The following CPEB3 variants were observed in gnomAD, a reference collection of about 807,000 sequenced individuals.
CPEB3 encodes the protein cytoplasmic polyadenylation element binding protein 3.
Under a neutral mutation model 67.2 loss-of-function variants are expected in CPEB3, and 20 were observed. The ratio of observed to expected loss-of-function variants is 0.30; its 90% CI spans 0.21 to 0.43. CPEB3 has a LOEUF of 0.43. Among genes scored for constraint, CPEB3 ranks in the 20% least tolerant of loss-of-function variants. CPEB3 has a pLI of 1.00. For synonymous variants in CPEB3, 376 were observed against 393.1 expected, an observed-to-expected ratio of 0.96 and a Z score of 0.51; for missense variants, 746 against 968.6, an observed-to-expected ratio of 0.77 and a Z score of 3.05.
At chr10:92,270,503 A>C (rs1394311973) in intron 1 of CPEB3, among the ~76,000 whole-genome samples, 1 of 151,996 alleles carries the variant, frequency 6.6e-6, no homozygotes, top group African/African-American at 2.4e-5. Context: ...AGAGAAAAAG[A>C]AGCTAGTAGG....
chr10:92,258,686 T>C (rs1017565938), intron 1 of CPEB3, among the ~76,000 whole-genome samples: 10 of 133,634 alleles, frequency 7.5e-5, no homozygotes, highest in Admixed American at 7.8e-5. Flanking sequence ...ATATTTCATG[T>C]ATTTGTGTTC....
At chr10:92,263,314 G>A (rs145897576) in intron 1 of CPEB3, among the ~76,000 whole-genome samples, 2 of 152,304 alleles carry the variant, frequency 1.3e-5, no homozygotes, top group East Asian at 3.9e-4. Context: ...GGCCTCAAGT[G>A]ATCCGCCCAA....
intron 1 of CPEB3, among the ~76,000 whole-genome samples, chr10:92,284,181 G>T (rs1461726401): frequency 6.6e-6 from 1 of 151,762 alleles, no homozygotes; most frequent in African/African-American, 2.4e-5. Context: ...TGGGACTACA[G>T]GCACACACCA....
chr10:92,221,447 C>G (rs1185355233), intron 2 of CPEB3, among the ~76,000 whole-genome samples: 1 of 152,170 alleles, frequency 6.6e-6, no homozygotes, highest in Admixed American at 6.5e-5. Context: ...GAGACGAGAT[C>G]ACGCCAGTGC....
intron 1 of CPEB3, among the ~76,000 whole-genome samples, chr10:92,241,159 TTTC>T (rs1851833254): frequency 6.6e-6 from 1 of 152,194 alleles, no homozygotes; most frequent in Non-Finnish European, 1.5e-5. Flanking sequence ...ATTCCCCAAT[TTTC>T]TTGTCTCCAA....
chr10:92,216,657 C>G, intron 2 of CPEB3: 1 of 1,606,866 alleles, frequency 6.2e-7, no homozygotes, highest in African/African-American at 1.3e-5. Context: ...GTCTATATCC[C>G]CTCTAAGACG....
intron 2 of CPEB3, among the ~76,000 whole-genome samples, chr10:92,229,291 C>A (rs760465278): frequency 5.9e-5 from 9 of 152,124 alleles, no homozygotes; most frequent in Non-Finnish European, 1.3e-4. Context: ...ACCTTGGCCC[C>A]GCAAAGTGCT....
In CPEB3 at chr10:92,081,383, C is replaced by A; in HGVS notation, c.1806G>T (p.Gln602His). ...GAGRVAFSNQ[Q>H]SYIAAISARF... ...GAGCGCTGATGGCTGCAATGTAACT[C>A]TGCTGATTGGAGAATGCCACGCGGC... Residue 602 changes from glutamine to histidine, a missense_variant, in exon 9 of 10, where the codon CAG (glutamine) becomes CAT (histidine). Around this residue, in one of 2 missense-constraint regions of CPEB3, gnomAD observed 103 missense variants for 251.1 expected, o/e 0.41. Coordinates refer to ENST00000265997, the MANE Select transcript of CPEB3 (RefSeq NM_014912.5). 7 of 1,614,210 alleles carry A rather than the reference C, an allele frequency of 4.3e-6. No homozygotes were observed. The highest frequency in any genetic ancestry group is 5.9e-6 in the Non-Finnish European group (7 of 1,180,046).
At chr10:92,127,895 C>A (rs117415744) in intron 6 of CPEB3, among the ~76,000 whole-genome samples, 1 of 152,142 alleles carries the variant, frequency 6.6e-6, no homozygotes, top group Non-Finnish European at 1.5e-5. Context: ...ACTTCAAGTA[C>A]AAGACTCATA....
At chr10:92,145,242 T>A in intron 4 of CPEB3, 157 bp from the exon 5 acceptor site, 1 of 713,400 alleles carries the variant, frequency 1.4e-6, no homozygotes. Flanking sequence ...TTTCCAAGAT[T>A]AACAGGACTG....
At chr10:92,291,187 C>T, upstream of CPEB3, 1 of 497,346 alleles carries the variant, frequency 2.0e-6, no homozygotes, top group Non-Finnish European at 3.5e-6. Context: ...GGTAGCTCCT[C>T]CGCCGGCAGC....
chr10:92,120,257 AAAAC>A (rs35341612), intron 6 of CPEB3, among the ~76,000 whole-genome samples: 44,389 of 144,240 alleles, frequency 0.31, 7,059 homozygotes, highest in Admixed American at 0.38. Flanking sequence ...TAAAAATACA[AAAAC>A]AAACAAACAA....
At chr10:92,074,812 G>A (rs1032108578) in intron 9 of CPEB3, among the ~76,000 whole-genome samples, 1 of 152,166 alleles carries the variant, frequency 6.6e-6, no homozygotes, top group Admixed American at 6.5e-5. Flanking sequence ...GCTCGCTCTC[G>A]TTGCTGTGTA....
intron 1 of CPEB3, among the ~76,000 whole-genome samples, chr10:92,280,408 G>T (rs929250877): frequency 6.8e-5 from 10 of 147,870 alleles, no homozygotes; most frequent in African/African-American, 2.2e-4. Flanking sequence ...ATCCCTAAGG[G>T]GTCCAGGGAT....
intron 4 of CPEB3, among the ~76,000 whole-genome samples, chr10:92,147,839 T>G (rs897985284): frequency 1.3e-5 from 2 of 152,128 alleles, no homozygotes; most frequent in Non-Finnish European, 2.9e-5. Context: ...AAACAGCTCT[T>G]GATCTTTCCC....
intron 6 of CPEB3, chr10:92,137,459 T>C: frequency 8.2e-7 from 1 of 1,214,926 alleles, no homozygotes; most frequent in South Asian, 1.4e-5. Flanking sequence ...TTCCAAAAGC[T>C]CAACAGCAAC....
chr10:92,104,894 A>ATTTCT (rs959546091), intron 7 of CPEB3, among the ~76,000 whole-genome samples: 3 of 151,950 alleles, frequency 2.0e-5, no homozygotes, highest in African/African-American at 7.2e-5. Context: ...CCGAACCATG[A>ATTTCT]TTTCTTTTCT....
At chr10:92,062,335 T>C (rs976379344) in intron 9 of CPEB3, among the ~76,000 whole-genome samples, 1 of 150,996 alleles carries the variant, frequency 6.6e-6, no homozygotes, top group African/African-American at 2.4e-5. Context: ...ATAAAATAAA[T>C]TGTTAAAGAA....
chr10:92,172,554 G>C (rs1564836745), intron 4 of CPEB3, among the ~76,000 whole-genome samples: 1 of 152,212 alleles, frequency 6.6e-6, no homozygotes, highest in Non-Finnish European at 1.5e-5. Context: ...CACGGGATTA[G>C]GAACTGGTTG....
Sources: allele counts gnomAD v4.1 joint callset (sites outside exome capture counted in the v4.1 genomes callset), GRCh38; gene constraint gnomAD v4.1.1; regional missense constraint gnomAD v4.1.1; transcripts MANE v1.5; gene names NCBI Gene and HGNC (gene_info 2026-07-23, HGNC 2026-07-21).